Variants in ZFPM2 observed in about 807,000 individuals in gnomAD.
ZFPM2 encodes zinc finger protein, FOG family member 2, also known as zinc finger protein ZFPM2.
Under a neutral mutation model 98.6 loss-of-function variants are expected in ZFPM2, and 20 were observed. That is an observed-to-expected ratio of 0.20 (90% CI 0.14 to 0.29). ZFPM2 has a LOEUF of 0.29. Among genes scored for constraint, ZFPM2 ranks in the 10% least tolerant of loss-of-function variants. The pLI, the probability that ZFPM2 is intolerant of heterozygous loss-of-function variation, is 1.00. For missense variants in ZFPM2, 1,310 were observed against 1,388.6 expected (o/e 0.94, Z 0.90); for synonymous variants, 518 against 502.7 (o/e 1.03, Z -0.41).
intron 5 of ZFPM2, among the ~76,000 whole-genome samples, chr8:105,645,361 T>G (rs1283744332): frequency 2.0e-5 from 3 of 152,232 alleles, no homozygotes; most frequent in Admixed American, 1.3e-4. Context: ...CATCTTGCTC[T>G]TTTTATGCGA....
intron 2 of ZFPM2, among the ~76,000 whole-genome samples, chr8:105,436,376 G>A (rs1251475680): frequency 6.6e-6 from 1 of 151,940 alleles, no homozygotes; most frequent in Non-Finnish European, 1.5e-5. Context: ...AAAGTTGACT[G>A]GGTGTGGTGG....
At chr8:105,613,787 G>GAAAAT (rs1396974411) in intron 4 of ZFPM2, among the ~76,000 whole-genome samples, 5 of 152,086 alleles carry the variant, frequency 3.3e-5, no homozygotes, top group African/African-American at 4.8e-5. Context: ...ATAGTACCGT[G>GAAAAT]AGAAAAGATT....
chr8:105,446,386 T>C (rs1479209676), intron 3 of ZFPM2, among the ~76,000 whole-genome samples: 1 of 152,202 alleles, frequency 6.6e-6, no homozygotes, highest in African/African-American at 2.4e-5. Context: ...TCTTTGTTTA[T>C]GTCTGGGGCC....
chr8:105,488,843 G>A (rs1813291447), intron 3 of ZFPM2, among the ~76,000 whole-genome samples: 1 of 152,112 alleles, frequency 6.6e-6, no homozygotes, highest in South Asian at 2.1e-4. Context: ...AACAAACCAG[G>A]CCTCTCAGAT....
chr8:105,724,554 T>C (rs1811759813), intron 5 of ZFPM2, among the ~76,000 whole-genome samples: 1 of 152,006 alleles, frequency 6.6e-6, no homozygotes, highest in Admixed American at 6.6e-5. Context: ...CACATGGAGA[T>C]GATTAGCATC....
chr8:105,440,278 G>C (rs1382425334), intron 2 of ZFPM2, among the ~76,000 whole-genome samples: 1 of 151,596 alleles, frequency 6.6e-6, no homozygotes, highest in Non-Finnish European at 1.5e-5. Context: ...TTCTATTTTT[G>C]GCATGTGATA....
chr8:105,653,595 T>A (rs111673537), intron 5 of ZFPM2, among the ~76,000 whole-genome samples: 6 of 152,300 alleles, frequency 3.9e-5, no homozygotes, highest in African/African-American at 1.4e-4. Flanking sequence ...AGATCCTAGG[T>A]GATCTGTGTG....
intron 1 of ZFPM2, chr8:105,319,565 C>G (rs1811978939): frequency 6.6e-6 from 1 of 152,506 alleles, no homozygotes; most frequent in Admixed American, 6.5e-5. Flanking sequence ...GCCTCTGCGG[C>G]GGGCGGCCGT....
At chr8:105,722,436 G>A (rs1333723162) in intron 5 of ZFPM2, among the ~76,000 whole-genome samples, 2 of 151,772 alleles carry the variant, frequency 1.3e-5, no homozygotes, top group African/African-American at 4.8e-5. Context: ...CCATGCATTT[G>A]AAACTCCACA....
At chr8:105,538,960 A>G (rs187190837) in intron 3 of ZFPM2, among the ~76,000 whole-genome samples, 1 of 152,306 alleles carries the variant, frequency 6.6e-6, no homozygotes, top group Non-Finnish European at 1.5e-5. Context: ...TTGAGGCTGC[A>G]GTGAGCTGAG....
intron 3 of ZFPM2, among the ~76,000 whole-genome samples, chr8:105,534,020 T>TCCCTCCC (rs780212763): frequency 1.4e-4 from 2 of 14,466 alleles, no homozygotes; most frequent in Admixed American, 7.7e-4. Flanking sequence ...TCCTCCCTTC[T>TCCCTCCC]TCCCTTCCTC....
intron 5 of ZFPM2, among the ~76,000 whole-genome samples, chr8:105,673,092 A>C (rs1314254670): frequency 6.6e-6 from 1 of 151,966 alleles, no homozygotes; most frequent in Non-Finnish European, 1.5e-5. Context: ...AAGGGAGAGA[A>C]GTGAACGAGA....
chr8:105,398,469 T>A (rs551140698), intron 1 of ZFPM2, among the ~76,000 whole-genome samples: 2 of 152,314 alleles, frequency 1.3e-5, no homozygotes, highest in African/African-American at 2.4e-5. Flanking sequence ...TTTTTTAGAA[T>A]GGCAGTCCCC....
At chr8:105,492,521 A>C (rs74779261) in intron 3 of ZFPM2, among the ~76,000 whole-genome samples, 8,128 of 152,230 alleles carry the variant, frequency 0.053, 773 homozygotes, top group African/African-American at 0.19. Flanking sequence ...GAAAATGACA[A>C]ATGAGGGAAA....
chr8:105,627,427 A>G (rs975410366), intron 4 of ZFPM2, among the ~76,000 whole-genome samples: 1 of 151,986 alleles, frequency 6.6e-6, no homozygotes, highest in African/African-American at 2.4e-5. Context: ...TCTTTTTTTT[A>G]AAAAAGAAGA....
At chr8:105,380,150 C>T (rs1049238037) in intron 1 of ZFPM2, among the ~76,000 whole-genome samples, 3 of 151,896 alleles carry the variant, frequency 2.0e-5, no homozygotes, top group Non-Finnish European at 2.9e-5. Flanking sequence ...TTTCTGTAGT[C>T]GAAAGTCAAT....
chr8:105,608,359 T>C (rs948254805), intron 4 of ZFPM2, among the ~76,000 whole-genome samples: 5 of 152,128 alleles, frequency 3.3e-5, no homozygotes, highest in African/African-American at 1.2e-4. Flanking sequence ...AAACAAATTT[T>C]ACTGGTTATT....
intron 4 of ZFPM2, among the ~76,000 whole-genome samples, chr8:105,625,614 C>T (rs1278395389): frequency 1.3e-5 from 2 of 150,134 alleles, no homozygotes; most frequent in Non-Finnish European, 3.0e-5. Context: ...GACTTTCACT[C>T]TTATACCCCA....
At chr8:105,419,755 T>G (rs1276571952) in intron 2 of ZFPM2, among the ~76,000 whole-genome samples, 2 of 152,124 alleles carry the variant, frequency 1.3e-5, no homozygotes, top group Admixed American at 1.3e-4. Flanking sequence ...ATGTTGACTT[T>G]CAACGGTGAG....
Sources: gnomAD v4.1 joint callset for allele counts (sites outside exome capture counted in the v4.1 genomes callset) on GRCh38, gnomAD v4.1.1 for gene constraint, MANE v1.5 for transcripts, NCBI Gene and HGNC (gene_info 2026-07-23, HGNC 2026-07-21) for gene names.